Variants in GRM4 observed in about 807,000 individuals in gnomAD.
GRM4 encodes the protein glutamate metabotropic receptor 4, also known as metabotropic glutamate receptor 4.
Under a neutral mutation model 81.7 loss-of-function variants are expected in GRM4, and 28 were observed. The observed-to-expected ratio is 0.34, with a 90% CI of 0.25 to 0.47. The LOEUF (loss-of-function observed/expected upper bound fraction) is 0.47. GRM4 is among the 20% of genes least tolerant of loss of function. The pLI is 1.00. For synonymous variants in GRM4, 488 were observed against 528.8 expected, an observed-to-expected ratio of 0.92 and a Z score of 1.06; for missense variants, 948 against 1,290.0, an observed-to-expected ratio of 0.73 and a Z score of 4.06.
intron 1 of GRM4, among the ~76,000 whole-genome samples, chr6:34,138,729 C>T (rs1056337737): frequency 2.0e-5 from 3 of 152,234 alleles, no homozygotes; most frequent in South Asian, 2.1e-4. Flanking sequence ...TTCAAATCCT[C>T]GCAGCACAGC....
chr6:34,025,114 C>T (rs1764066851), intron 10 of GRM4, among the ~76,000 whole-genome samples: 1 of 152,192 alleles, frequency 6.6e-6, no homozygotes, highest in African/African-American at 2.4e-5. Context: ...AGCTCTTCCC[C>T]TCCTTTGCTG....
rs1466078880 is a variant in GRM4, at chr6:34,036,198, C to T, written c.1912G>A (p.Ala638Thr). 5 of 1,614,044 alleles carry T rather than the reference C, an allele frequency of 3.1e-6. No homozygotes were observed. The highest frequency in any genetic ancestry group is 4.2e-6 in the Non-Finnish European group (5 of 1,180,000). Residue 638 changes from alanine to threonine, a missense_variant, in exon 9 of 11, where the codon GCC becomes ACC. Transcript: ENST00000538487. This position sits in a 1 kb window ranked among gnomAD's most constrained non-coding sequence, Gnocchi z 9.0. ...TCAGCGATCATGAGGAAGGTGGTGG[C>T]ATAGCACAGGAAGATGCCTGCCAGC... Reference protein sequence around the residue: ...VLLAGIFLCYATTFLMIAEPD... With the variant: ...VLLAGIFLCYTTTFLMIAEPD...
rs1704549663 is a variant in GRM4, at chr6:34,074,547, G to A, written c.737-12519C>T. On this transcript the variant is annotated intron_variant, in intron 3 of 10. Coordinates refer to ENST00000538487, the MANE Select transcript of GRM4 (RefSeq NM_000841.4). The surrounding 1 kb of genome is among the most constrained non-coding windows in gnomAD (Gnocchi z 4.9). ...CCTGCCGTCCCCTGCCAGGAGAGGA[G>A]GCTGCTGGGCGGCGCAGGCAGTGTG... Among the ~76,000 whole-genome samples the A allele has an allele frequency of 7.2e-6, 1 of 139,804 alleles. No individual in the cohort carries two copies. Among genetic ancestry groups the A allele is most frequent in the Non-Finnish European group, 1.5e-5 (1 of 65,948 alleles). The allele number at this position is 139,804 out of a possible 152,430, so 91.7% of individuals were successfully genotyped here. A position where few individuals can be genotyped will look rare whatever the true frequency, so the allele number is the denominator to read the frequency against.
At chr6:34,122,716 G>A (rs1201576448) in intron 2 of GRM4, among the ~76,000 whole-genome samples, 1 of 143,018 alleles carries the variant, frequency 7.0e-6, no homozygotes, top group African/African-American at 2.9e-5. Flanking sequence ...CCGGGCTGGC[G>A]GCTTCCCCGG....
At chr6:34,145,859 G>C (rs1251474691) in intron 1 of GRM4, 141 bp downstream of exon 1, 2 of 253,472 alleles carry the variant, frequency 7.9e-6, no homozygotes, top group Non-Finnish European at 1.2e-5. Context: ...CTCCACCTCC[G>C]GAAGGCCAGG....
chr6:34,066,934 G>A (rs893706496), intron 3 of GRM4, among the ~76,000 whole-genome samples: 1 of 152,138 alleles, frequency 6.6e-6, no homozygotes, highest in African/African-American at 2.4e-5. Context: ...GAAATGGGCT[G>A]CATAGCCGCA....
intron 6 of GRM4, among the ~76,000 whole-genome samples, chr6:34,050,619 T>C (rs1765567411): frequency 6.6e-6 from 1 of 152,172 alleles, no homozygotes; most frequent in Non-Finnish European, 1.5e-5. Flanking sequence ...TTACCCAGCC[T>C]CAGGTATTCC....
chr6:34,131,792 C>T (rs956396909), intron 2 of GRM4, among the ~76,000 whole-genome samples: 1 of 152,180 alleles, frequency 6.6e-6, no homozygotes, highest in African/African-American at 2.4e-5. Context: ...GCAAAACAGC[C>T]TCTCTCAGTC....
Position 34,080,599 on chromosome 6 carries a change from AG to A in GRM4, c.736+11283del, listed in dbSNP as rs770215293. Among the ~76,000 whole-genome samples the A allele has an allele frequency of 3.3e-5, 5 of 152,140 alleles. No individual in the cohort carries two copies. Among genetic ancestry groups the A allele is most frequent in the Non-Finnish European group, 7.4e-5 (5 of 68,016 alleles). On this transcript the variant is annotated intron_variant, in intron 3 of 10. Transcript: ENST00000538487. The surrounding 1 kb of genome is among the most constrained non-coding windows in gnomAD (Gnocchi z 5.4). ...AAAAATGGCCACGCCCCTCCTCACC[AG>A]CCATACCCCTGGGGCAAGTCTGTGG... is the stretch of plus-strand genomic sequence containing the variant.
At position 34,035,939 on chromosome 6, in the gene GRM4, TG is replaced by T; in HGVS notation, c.2170del (p.His724ThrfsTer99). ...ICVWFVVDPS[H>X]SVVDFQDQRT... ...CTGGTCCTGGAAGTCCACCACCGAG[TG>T]GGAGGGGTCCACCACAAACCACACA... On this transcript the variant is annotated frameshift_variant, in exon 9 of 11. Coordinates refer to ENST00000538487, the MANE Select transcript of GRM4 (RefSeq NM_000841.4). LOFTEE classifies it high-confidence loss of function. This position sits in a 1 kb window ranked among gnomAD's most constrained non-coding sequence, Gnocchi z 6.6. 1 of 1,607,074 alleles carries T rather than the reference TG, an allele frequency of 6.2e-7. No homozygotes were observed. The highest frequency in any genetic ancestry group is 1.1e-5 in the South Asian group (1 of 90,656).
At chr6:34,038,602 G>GTAGAGA (rs1432411809) in intron 8 of GRM4, among the ~76,000 whole-genome samples, 3 of 152,306 alleles carry the variant, frequency 2.0e-5, no homozygotes, top group East Asian at 3.9e-4. Context: ...TTGCTCTGTG[G>GTAGAGA]CCCTCACAGC....
intron 2 of GRM4, among the ~76,000 whole-genome samples, chr6:34,110,373 G>A (rs1019787376): frequency 7.8e-5 from 11 of 141,304 alleles, no homozygotes; most frequent in African/African-American, 1.6e-4. Context: ...AAGGAAAGCC[G>A]TGGCCCTGTG....
At chr6:34,041,211 T>A (rs567605879) in intron 6 of GRM4, among the ~76,000 whole-genome samples, 1 of 152,230 alleles carries the variant, frequency 6.6e-6, no homozygotes, top group East Asian at 1.9e-4. Flanking sequence ...TTAAAGCCAC[T>A]CACCCATGGG....
chr6:34,024,872 G>C (rs980284671), intron 10 of GRM4, among the ~76,000 whole-genome samples: 2 of 152,222 alleles, frequency 1.3e-5, no homozygotes, highest in African/African-American at 4.8e-5. Flanking sequence ...GCACCTTACA[G>C]CTCATGAAGA....
Position 34,028,261 on chromosome 6 carries a change from C to A in GRM4, c.2548G>T (p.Glu850Ter), listed in dbSNP as rs1764237055. 6.2e-7 allele frequency: 1 copy of A among 1,613,982 alleles called. No homozygotes were observed. Among genetic ancestry groups the A allele is most frequent in the Admixed American group, 1.7e-5 (1 of 60,012 alleles). Residue 850 changes from glutamate to a stop codon, truncating the protein, a stop_gained, in exon 10 of 11, where the codon GAG (glutamate) becomes TAG (stop). Coordinates refer to ENST00000538487, the MANE Select transcript of GRM4 (RefSeq NM_000841.4). LOFTEE classifies it high-confidence loss of function. ...PKVYIILFHP[E>*]QNVPKRKRSL... is the part of the protein sequence containing the mutation. ...CGCTTGCGCTTGGGCACGTTCTGCT[C>A]CGGGTGGAAGAGGATGATGTAGACT... is the stretch of plus-strand genomic sequence containing the variant.
At chr6:34,145,591 CGAGCGAGAGAGG>C (rs1016609678) in intron 1 of GRM4, among the ~76,000 whole-genome samples, 4 of 152,038 alleles carry the variant, frequency 2.6e-5, no homozygotes, top group Non-Finnish European at 5.9e-5. Context: ...CGCTGGAGAG[CGAGCGAGAGAGG>C]GAGCGAGAGA....
rs1222948430 is a variant in GRM4 at position 34,048,698 on chromosome 6, A to G, written c.1168+7846T>C. Among the ~76,000 whole-genome samples the G allele has an allele frequency of 2.0e-5, 3 of 152,104 alleles. No homozygotes were observed. Among genetic ancestry groups the G allele is most frequent in the Admixed American group, 2.0e-4 (3 of 15,278 alleles). On this transcript the variant is annotated intron_variant, in intron 6 of 10. Coordinates refer to ENST00000538487, the MANE Select transcript of GRM4 (RefSeq NM_000841.4). This position sits in a 1 kb window ranked among gnomAD's most constrained non-coding sequence, Gnocchi z 4.0. ...GGACTTGGTGGGAGGTGATTGGATC[A>G]TGGGGGTGGATTTCCCCCATGCTGT...
Position 34,068,994 on chromosome 6 carries a change from A to T in GRM4, c.737-6966T>A, listed in dbSNP as rs1208577692. ...TGAAAAGACAAACCCTAGGAATTCA[A>T]GTGGAAAAATCTACCTTATGGCAAA... On this transcript the variant is annotated intron_variant, in intron 3 of 10. Coordinates refer to ENST00000538487, the MANE Select transcript of GRM4 (RefSeq NM_000841.4). This position sits in a 1 kb window ranked among gnomAD's most constrained non-coding sequence, Gnocchi z 4.2. Among the ~76,000 whole-genome samples the T allele has an allele frequency of 1.3e-5, 2 of 152,140 alleles. No individual in the cohort carries two copies. The highest frequency in any genetic ancestry group is 2.9e-5 in the Non-Finnish European group (2 of 68,018).
At chr6:34,138,738 G>A (rs1770565018) in intron 1 of GRM4, among the ~76,000 whole-genome samples, 1 of 152,198 alleles carries the variant, frequency 6.6e-6, no homozygotes. Flanking sequence ...TCGCAGCACA[G>A]CCCTCCTCGT....
Sources: allele counts gnomAD v4.1 joint callset (sites outside exome capture counted in the v4.1 genomes callset), GRCh38; gene constraint gnomAD v4.1.1; non-coding constraint Gnocchi (gnomAD v3.1); transcripts MANE v1.5; gene names NCBI Gene and HGNC (gene_info 2026-07-23, HGNC 2026-07-21).